Variants in CDH12 observed in about 807,000 individuals in gnomAD.
CDH12 encodes cadherin 12.
A neutral mutation model predicts 74.1 loss-of-function variants in CDH12; 41 were observed. The ratio of observed to expected loss-of-function variants is 0.55; its 90% CI spans 0.43 to 0.72. CDH12 has a LOEUF of 0.72. Ranked by LOEUF, CDH12 falls within the 30% of genes least tolerant of loss-of-function variation. CDH12 has a pLI of 0.00. For synonymous variants in CDH12, 399 were observed against 355.0 expected (o/e 1.12, Z -1.39); for missense variants, 945 against 977.2 (o/e 0.97, Z 0.44).
chr5:22,680,246 C>T (rs1741422907), intron 1 of CDH12, among the ~76,000 whole-genome samples: 1 of 152,026 alleles, frequency 6.6e-6, no homozygotes, highest in African/African-American at 2.4e-5. Flanking sequence ...CTATTACCTT[C>T]ACTTGAACTG....
At chr5:22,460,840 T>A (rs1289926979) in intron 2 of CDH12, among the ~76,000 whole-genome samples, 1 of 144,124 alleles carries the variant, frequency 6.9e-6, no homozygotes, top group African/African-American at 2.6e-5. Context: ...CCTGCCTTGA[T>A]CCCCCGAGTA....
intron 3 of CDH12, among the ~76,000 whole-genome samples, chr5:22,368,848 A>G (rs1741146761): frequency 6.6e-6 from 1 of 152,132 alleles, no homozygotes; most frequent in Non-Finnish European, 1.5e-5. Context: ...TTTTAAAAAC[A>G]TCTTTCGGGT....
intron 5 of CDH12, among the ~76,000 whole-genome samples, chr5:21,996,512 C>G (rs1736310315): frequency 6.6e-6 from 1 of 152,084 alleles, no homozygotes; most frequent in Non-Finnish European, 1.5e-5. Context: ...TAAGTGATTT[C>G]CCCAATATCT....
intron 1 of CDH12, among the ~76,000 whole-genome samples, chr5:22,753,210 G>C (rs1745685812): frequency 6.6e-6 from 1 of 151,966 alleles, no homozygotes; most frequent in Admixed American, 6.6e-5. Context: ...TATTAAGCTT[G>C]CTATGAAACT....
chr5:22,256,857 C>A (rs1181205543), intron 3 of CDH12, among the ~76,000 whole-genome samples: 1 of 152,080 alleles, frequency 6.6e-6, no homozygotes, highest in Non-Finnish European at 1.5e-5. Context: ...CCAAAGGATA[C>A]AAATCATTCT....
At chr5:22,821,667 C>A (rs1205623453) in intron 1 of CDH12, among the ~76,000 whole-genome samples, 2 of 151,956 alleles carry the variant, frequency 1.3e-5, no homozygotes, top group African/African-American at 2.4e-5. Flanking sequence ...AGGAATCCAA[C>A]TTACAAGGGA....
chr5:21,971,365 G>A (rs1756846724), intron 6 of CDH12, among the ~76,000 whole-genome samples: 1 of 151,886 alleles, frequency 6.6e-6, no homozygotes, highest in South Asian at 2.1e-4. Context: ...ATCCAACAGT[G>A]AATAATACTG....
intron 3 of CDH12, among the ~76,000 whole-genome samples, chr5:22,242,029 A>G (rs1380318036): frequency 1.3e-5 from 2 of 152,120 alleles, no homozygotes; most frequent in Admixed American, 6.5e-5. Flanking sequence ...TTTATTTGTT[A>G]AAACAATTAT....
chr5:21,842,126 G>A (rs200078945), intron 8 of CDH12, 35 bp downstream of exon 8: 39 of 1,519,228 alleles, frequency 2.6e-5, no homozygotes, highest in East Asian at 2.4e-4. Flanking sequence ...TTTTTAAACC[G>A]CAATAATTTA....
intron 3 of CDH12, among the ~76,000 whole-genome samples, chr5:22,241,434 GTCAA>G (rs1346587799): frequency 6.6e-6 from 1 of 151,986 alleles, no homozygotes; most frequent in Admixed American, 6.6e-5. Flanking sequence ...AAGATATGGT[GTCAA>G]TCAAACATGT....
rs544553413 is a variant in CDH12, at chr5:22,031,245, A to G, written c.231+47201T>C. Among the ~76,000 whole-genome samples the G allele has an allele frequency of 2.0e-3, 302 of 152,174 alleles. 4 individuals are homozygous for G. Among genetic ancestry groups the G allele is most frequent in the African/African-American group, 6.7e-3 (278 of 41,530 alleles). On this transcript the variant is annotated intron_variant, in intron 5 of 14. Transcript: ENST00000382254. ...GCTACTTAGGAGTCTGAGGCAGGAGAATCGCTTGAACCCGGGAGGCAGAGG... is the reference window on the plus strand; with the variant it reads ...GCTACTTAGGAGTCTGAGGCAGGAGGATCGCTTGAACCCGGGAGGCAGAGG...
chr5:22,847,482 A>T (rs1427443143), intron 1 of CDH12, among the ~76,000 whole-genome samples: 1 of 152,188 alleles, frequency 6.6e-6, no homozygotes, highest in Non-Finnish European at 1.5e-5. Flanking sequence ...TCTTAAATAC[A>T]TCATTTCATT....
intron 2 of CDH12, among the ~76,000 whole-genome samples, chr5:22,432,840 A>T (rs1179991455): frequency 6.6e-6 from 1 of 152,098 alleles, no homozygotes; most frequent in Non-Finnish European, 1.5e-5. Context: ...TTGGACTGTT[A>T]AACCTGTGTG....
At chr5:22,816,287 G>A (rs1749390522) in intron 1 of CDH12, among the ~76,000 whole-genome samples, 1 of 152,104 alleles carries the variant, frequency 6.6e-6, no homozygotes, top group East Asian at 1.9e-4. Flanking sequence ...TGAGGCACCG[G>A]AAGTTAATCA....
chr5:21,948,514 T>A (rs1446778447), intron 6 of CDH12, among the ~76,000 whole-genome samples: 1 of 152,224 alleles, frequency 6.6e-6, no homozygotes, highest in Non-Finnish European at 1.5e-5. Context: ...TGTACCCTCA[T>A]GGTATCTAGG....
chr5:22,752,738 A>ATT (rs1300457960), intron 1 of CDH12, among the ~76,000 whole-genome samples: 1 of 145,774 alleles, frequency 6.9e-6, no homozygotes, highest in African/African-American at 2.6e-5. Context: ...CGCCCGGCTA[A>ATT]TTTTTTGTAT....
chr5:22,363,224 T>G (rs1740895322), intron 3 of CDH12, among the ~76,000 whole-genome samples: 1 of 152,162 alleles, frequency 6.6e-6, no homozygotes, highest in South Asian at 2.1e-4. Flanking sequence ...ACTGAATCTA[T>G]AAATAAATAA....
chr5:22,619,675 T>A (rs1391184308), intron 1 of CDH12, among the ~76,000 whole-genome samples: 6 of 151,980 alleles, frequency 3.9e-5, no homozygotes, highest in African/African-American at 1.4e-4. Context: ...TCCTTCTGAA[T>A]GAGGCTTCTC....
At chr5:22,450,859 G>A (rs920979040) in intron 2 of CDH12, among the ~76,000 whole-genome samples, 17 of 146,906 alleles carry the variant, frequency 1.2e-4, no homozygotes, top group Non-Finnish European at 1.5e-5. Flanking sequence ...CAGGTTTCTA[G>A]ACCCACCTAA....
Sources: gnomAD v4.1 joint callset for allele counts (sites outside exome capture counted in the v4.1 genomes callset) on GRCh38, gnomAD v4.1.1 for gene constraint, MANE v1.5 for transcripts, NCBI Gene and HGNC (gene_info 2026-07-23, HGNC 2026-07-21) for gene names.